CDK2AP1: variants seen among roughly 807,000 people sequenced by gnomAD.
CDK2AP1 encodes the protein cyclin-dependent kinase 2-associated protein 1.
A neutral mutation model predicts 14.1 loss-of-function variants in CDK2AP1; 10 were observed. The ratio of observed to expected loss-of-function variants is 0.71; its 90% CI spans 0.44 to 1.20. CDK2AP1 has a LOEUF of 1.20. Ranked by LOEUF, CDK2AP1 falls within the 50% of genes most tolerant of loss-of-function variation. The pLI is 0.00. For synonymous variants in CDK2AP1, 59 were observed against 59.8 expected (o/e 0.99, Z 0.06); for missense variants, 102 against 149.9 (o/e 0.68, Z 1.67).
chr12:123,270,760 G>C (rs1356445427), intron 1 of CDK2AP1: 1 of 887,978 alleles, frequency 1.1e-6, no homozygotes, highest in Non-Finnish European at 1.3e-6. Flanking sequence ...CTTCTGCATC[G>C]AGGGCCTTCC....
chr12:123,269,751 A>G (rs1474021093), intron 1 of CDK2AP1, among the ~76,000 whole-genome samples: 1 of 152,198 alleles, frequency 6.6e-6, no homozygotes, highest in Admixed American at 6.5e-5. Context: ...GCGGCTTGGC[A>G]ACCCGTGAAC....
chr12:123,271,112 G>GC (rs2048350031), intron 1 of CDK2AP1: 4 of 778,616 alleles, frequency 5.1e-6, no homozygotes, highest in Non-Finnish European at 6.2e-6. Context: ...TGCCCGCAGC[G>GC]CCCCCCGCCC....
In CDK2AP1 at chr12:123,261,020, C is replaced by T. The variant is rs1032146225; in HGVS notation, c.*716G>A. 1.3e-5 allele frequency: 2 copies of T among 152,414 alleles called. No homozygotes were observed. Among genetic ancestry groups the T allele is most frequent in the Non-Finnish European group, 2.9e-5 (2 of 68,030 alleles). The allele number at this position is 152,414 out of a possible 1,614,324, so 9.4% of individuals were successfully genotyped here. ...AATACAAATTGTTAATGAAAATAAG[C>T]TTTATTACATCAAGTAATAAATACA... On this transcript the variant is annotated 3_prime_UTR_variant, in exon 4 of 4. Coordinates refer to ENST00000261692, the MANE Select transcript of CDK2AP1 (RefSeq NM_004642.4).
intron 1 of CDK2AP1, chr12:123,270,202 G>A: frequency 4.1e-6 from 4 of 984,516 alleles, no homozygotes; most frequent in Non-Finnish European, 4.8e-6. Flanking sequence ...GTCTTTGTAA[G>A]GTCTGCGGAC....
Position 123,265,278 on chromosome 12 carries a change from C to T in CDK2AP1, c.198G>A (p.Leu66=). ...SQVPQSKYAE[L]LAIIEELGKE... ...TCCCCAGCTCTTCAATGATGGCCAG[C>T]AGCTCCGCGTATTTGCTTTGGGGCA... Residue 66 remains leucine, a synonymous_variant, in exon 3 of 4, where the codon CTG becomes CTA. Transcript: ENST00000261692. The surrounding 1 kb of genome is among the most constrained non-coding windows in gnomAD (Gnocchi z 5.3). The T allele has an allele frequency of 6.2e-7, 1 of 1,614,170 alleles. No homozygotes were observed.
intron 1 of CDK2AP1, among the ~76,000 whole-genome samples, chr12:123,269,599 G>A (rs574010963): frequency 4.9e-4 from 74 of 152,312 alleles, no homozygotes; most frequent in Middle Eastern, 3.4e-3. Flanking sequence ...GGCCAGGCGC[G>A]GCTCCCCACC....
chr12:123,266,735 T>TTA (rs1189534076), intron 2 of CDK2AP1, among the ~76,000 whole-genome samples: 1 of 152,206 alleles, frequency 6.6e-6, no homozygotes, highest in African/African-American at 2.4e-5. Flanking sequence ...TCTCAAATAC[T>TTA]GGCCCTCGAC....
chr12:123,266,232 CCACGGCACTGCCTCCA>C (rs1253196600), intron 2 of CDK2AP1, among the ~76,000 whole-genome samples: 2 of 152,248 alleles, frequency 1.3e-5, no homozygotes, highest in Non-Finnish European at 2.9e-5. Context: ...CTCTGCCTCC[CCACGGCACTGCCTCCA>C]GGCCTCACGG....
At chr12:123,262,894 G>A (rs1018503620) in intron 3 of CDK2AP1, among the ~76,000 whole-genome samples, 2 of 151,684 alleles carry the variant, frequency 1.3e-5, no homozygotes, top group African/African-American at 4.8e-5. Context: ...ACTTTCACAC[G>A]TCCCAAAATC....
At chr12:123,263,044 T>A (rs1344765013) in intron 3 of CDK2AP1, among the ~76,000 whole-genome samples, 2 of 151,632 alleles carry the variant, frequency 1.3e-5, no homozygotes, top group Non-Finnish European at 2.9e-5. Flanking sequence ...TACAACCCCA[T>A]CTCTACTAAA....
intron 1 of CDK2AP1, chr12:123,267,653 C>T (rs1313858867): frequency 1.3e-5 from 3 of 239,860 alleles, no homozygotes; most frequent in Non-Finnish European, 2.5e-5. Context: ...GGCCACATCA[C>T]ACCACAGCGC....
intron 1 of CDK2AP1, chr12:123,270,828 C>T (rs1034009546): frequency 5.1e-6 from 5 of 985,456 alleles, no homozygotes; most frequent in Non-Finnish European, 4.8e-6. Flanking sequence ...TGCCCCCACG[C>T]CCGCGCGCGG....
intron 3 of CDK2AP1, among the ~76,000 whole-genome samples, chr12:123,263,074 C>T (rs1444008614): frequency 4.0e-5 from 6 of 151,596 alleles, no homozygotes; most frequent in South Asian, 2.1e-4. Context: ...ATTAGATGGG[C>T]GTGGTGGTGG....
chr12:123,271,376 G>C (rs1380807267), intron 1 of CDK2AP1, among the ~76,000 whole-genome samples, 188 bp downstream of exon 1: 1 of 147,246 alleles, frequency 6.8e-6, no homozygotes, highest in Non-Finnish European at 1.5e-5. Flanking sequence ...CTCGGCGTGC[G>C]GGGCGCACCA....
chr12:123,264,462 CAAAAA>C (rs1167157405), intron 3 of CDK2AP1, among the ~76,000 whole-genome samples: 13 of 69,860 alleles, frequency 1.9e-4, no homozygotes, highest in African/African-American at 5.8e-4. Context: ...CTCCGTCTCC[CAAAAA>C]AAAAAAAAAA....
intron 3 of CDK2AP1, among the ~76,000 whole-genome samples, chr12:123,264,811 G>A (rs2048271983): frequency 6.6e-6 from 1 of 152,120 alleles, no homozygotes; most frequent in South Asian, 2.1e-4. Flanking sequence ...GGCAGTGCAG[G>A]CACCGATGAA....
chr12:123,270,481 C>G (rs762903416), intron 1 of CDK2AP1, among the ~76,000 whole-genome samples: 6 of 152,120 alleles, frequency 3.9e-5, no homozygotes, highest in Non-Finnish European at 5.9e-5. Flanking sequence ...CGGGGCCACT[C>G]CTCTCCCCGT....
intron 1 of CDK2AP1, chr12:123,270,245 CAG>C (rs1424566128): frequency 1.0e-6 from 1 of 976,988 alleles, no homozygotes; most frequent in Non-Finnish European, 1.2e-6. Context: ...GAGAAAAAAA[CAG>C]TGGCTGTTTG....
chr12:123,262,984 C>T (rs1393586935), intron 3 of CDK2AP1, among the ~76,000 whole-genome samples: 1 of 151,846 alleles, frequency 6.6e-6, no homozygotes, highest in Non-Finnish European at 1.5e-5. Context: ...GAGGCCGGGG[C>T]GGGTTGCCCA....
Sources: allele counts gnomAD v4.1 joint callset (sites outside exome capture counted in the v4.1 genomes callset), GRCh38; gene constraint gnomAD v4.1.1; non-coding constraint Gnocchi (gnomAD v3.1); transcripts MANE v1.5; gene names NCBI Gene and HGNC (gene_info 2026-07-23, HGNC 2026-07-21).